ZSCAN31: variants seen among roughly 807,000 people sequenced by gnomAD.
The protein encoded by ZSCAN31 is zinc finger and SCAN domain-containing protein 31.
Under a neutral mutation model 22.5 loss-of-function variants are expected in ZSCAN31, and 14 were observed. The observed-to-expected ratio is 0.62, with a 90% CI of 0.41 to 0.97. The LOEUF is 0.97. Among genes scored for constraint, ZSCAN31 ranks in the 50% least tolerant of loss-of-function variants. The pLI is 0.00. For synonymous variants in ZSCAN31, 168 were observed against 169.8 expected (o/e 0.99, Z 0.08); for missense variants, 424 against 483.4 (o/e 0.88, Z 1.15).
chr6:28,336,762 T>G (rs1764196095), upstream of ZSCAN31: 1 of 152,252 alleles, frequency 6.6e-6, no homozygotes, highest in African/African-American at 2.4e-5. Context: ...AGAAGGGACT[T>G]CATACTTTTT....
chr6:28,350,084 ATGTG>A (rs112636754), intron 2 of ZSCAN31: 4 of 148,676 alleles, frequency 2.7e-5, no homozygotes, highest in African/African-American at 5.0e-5. Flanking sequence ...TTGCAGGAGT[ATGTG>A]TGTGTGTGTG....
intron 2 of ZSCAN31, among the ~76,000 whole-genome samples, chr6:28,348,230 C>T (rs1388464203): frequency 6.6e-6 from 1 of 152,014 alleles, no homozygotes; most frequent in African/African-American, 2.4e-5. Context: ...TTAATGAGGT[C>T]AAATTTATTT....
intron 2 of ZSCAN31, chr6:28,353,333 G>A (rs1324023174): frequency 6.5e-6 from 1 of 154,454 alleles, no homozygotes; most frequent in Non-Finnish European, 1.4e-5. Context: ...TCCGAGTCCA[G>A]TCAAATAATT....
chr6:28,353,258 C>CGCCCA (rs1362973397), intron 2 of ZSCAN31: 1 of 153,058 alleles, frequency 6.5e-6, no homozygotes, highest in East Asian at 1.9e-4. Context: ...TGAGCCACTG[C>CGCCCA]GCCCAGCCCA....
chr6:28,338,224 C>T (rs1258466970), upstream of ZSCAN31, among the ~76,000 whole-genome samples: 1 of 152,014 alleles, frequency 6.6e-6, no homozygotes, highest in Non-Finnish European at 1.5e-5. Flanking sequence ...CGTGGTGAAA[C>T]CCCATCTCTA....
rs760377485 is a variant in ZSCAN31, at chr6:28,324,908, T to A, written c.*1258A>T. 6.6e-6 allele frequency: 1 copy of A among 152,244 alleles called. No homozygotes were observed. Among genetic ancestry groups the A allele is most frequent in the Admixed American group, 6.5e-5 (1 of 15,284 alleles). The allele number at this position is 152,244 out of a possible 1,614,324, so 9.4% of individuals were successfully genotyped here. On this transcript the variant is annotated 3_prime_UTR_variant, in exon 4 of 4. Transcript: ENST00000344279. This position sits in a 1 kb window ranked among gnomAD's most constrained non-coding sequence, Gnocchi z 4.8. ...CCTACATTTGTTAAATGCTATTATT[T>A]CGTATGTAAATCATAATGCATATTT...
chr6:28,343,278 C>T (rs769020589), intron 2 of ZSCAN31, among the ~76,000 whole-genome samples: 8 of 152,078 alleles, frequency 5.3e-5, no homozygotes, highest in Non-Finnish European at 1.0e-4. Context: ...TCTGAAACTG[C>T]TACCCATTCC....
Position 28,346,342 on chromosome 6 carries a change from C to CTTTTTTTTTTTT in ZSCAN31, c.-370-4562_-370-4551dup, listed in dbSNP as rs5875155. On this transcript the variant is annotated intron_variant, in intron 2 of 7. Coordinates refer to the ZSCAN31 transcript ENST00000396838. Reference sequence around the variant, plus strand: ...GCTTCTTGCTTCTCCTCAGTACAATCTTTTTTTTTTTTTTTTTTTTTTTTT... The same window carrying CTTTTTTTTTTTT: ...GCTTCTTGCTTCTCCTCAGTACAATCTTTTTTTTTTTTTTTTTTTTTTTTTTTTTTTTTTTTT... 2.2e-3 allele frequency among the ~76,000 whole-genome samples: 193 copies of CTTTTTTTTTTTT among 87,758 alleles called. 14 individuals are homozygous for CTTTTTTTTTTTT. Among genetic ancestry groups the CTTTTTTTTTTTT allele is most frequent in the Middle Eastern group, 0.015 (2 of 132 alleles). 57.6% of individuals were successfully genotyped at this position (87,758 alleles called of 152,430 possible). A position where few individuals can be genotyped will look rare whatever the true frequency, so the allele number is the denominator to read the frequency against.
chr6:28,326,448 G>A lies in ZSCAN31; in HGVS notation c.939C>T (p.His313=). Residue 313 remains histidine (H), a synonymous_variant, in exon 4 of 4, where the codon CAC becomes CAT. Transcript: ENST00000344279. ...GTTTTTCCCCTGTGTGGATTCTTCTGTGTCGAGTGAGGCCATTGCTGGCAC... is the reference window on the plus strand; with the variant it reads ...GTTTTTCCCCTGTGTGGATTCTTCTATGTCGAGTGAGGCCATTGCTGGCAC... The part of the protein sequence containing the change: ...AFSASNGLTR[H]RRIHTGEKPY... 1 of 1,614,002 alleles carries A rather than the reference G, an allele frequency of 6.2e-7. No individual in the cohort carries two copies. The highest frequency in any genetic ancestry group is 8.5e-7 in the Non-Finnish European group (1 of 1,179,982).
chr6:28,329,776 C>T lies in ZSCAN31; in HGVS notation c.-93G>A. The T allele has an allele frequency of 1.4e-6, 2 of 1,439,398 alleles. No individual in the cohort carries two copies. The highest frequency in any genetic ancestry group is 1.9e-6 in the Non-Finnish European group (2 of 1,070,980). 89.2% of individuals were successfully genotyped at this position (1,439,398 alleles called of 1,614,324 possible). A position where few individuals can be genotyped will look rare whatever the true frequency, so the allele number is the denominator to read the frequency against. ...TGATTTAATCTTCCTTAGGAGAAGACACCTGATGATAGAGCATTATATATT... is the reference window on the plus strand; with the variant it reads ...TGATTTAATCTTCCTTAGGAGAAGATACCTGATGATAGAGCATTATATATT... On this transcript the variant is annotated splice_region_variant and 5_prime_UTR_variant, in exon 2 of 4. Transcript: ENST00000344279.
upstream of ZSCAN31, among the ~76,000 whole-genome samples, chr6:28,339,787 A>G (rs1342700553): frequency 3.9e-5 from 6 of 152,254 alleles, no homozygotes; most frequent in Non-Finnish European, 2.9e-5. Context: ...AGAGAAAAAT[A>G]AGAGATGGGG....
Position 28,327,429 on chromosome 6 carries a change from T to G in ZSCAN31, c.486A>C (p.Thr162=). ...GGCAAAAAGATTCATATCTGAGCTG[T>G]GTCACCATAGGCTGAAGCTGTATGT... The part of the protein sequence containing the change: ...PTDIQLQPMV[T]QLRYESFCLH... Residue 162 remains threonine, a synonymous_variant, in exon 3 of 4, where the codon ACA becomes ACC. Transcript: ENST00000344279. 6.2e-7 allele frequency: 1 copy of G among 1,614,106 alleles called. No individual in the cohort carries two copies. The highest frequency in any genetic ancestry group is 8.5e-7 in the Non-Finnish European group (1 of 1,180,020).
chr6:28,350,792 A>G (rs1247045536), intron 2 of ZSCAN31, among the ~76,000 whole-genome samples: 1 of 152,204 alleles, frequency 6.6e-6, no homozygotes, highest in Non-Finnish European at 1.5e-5. Flanking sequence ...AGATACTCTG[A>G]AAAAGAGCCT....
At position 28,326,397 on chromosome 6, in the gene ZSCAN31, C is replaced by G. The variant is rs752226247; in HGVS notation, c.990G>C (p.Lys330Asn). 6.2e-7 allele frequency: 1 copy of G among 1,614,168 alleles called. No homozygotes were observed. Among genetic ancestry groups the G allele is most frequent in the Middle Eastern group, 1.6e-4 (1 of 6,062 alleles). ...EKPYECKVCG[K>N]AFLLSSCLVQ... Reference sequence around the variant, plus strand: ...CAAGGCATGAGCTGAGGAGGAAAGCCTTCCCACACACTTTGCATTCATATG... The same window carrying G: ...CAAGGCATGAGCTGAGGAGGAAAGCGTTCCCACACACTTTGCATTCATATG... Residue 330 changes from lysine (K) to asparagine (N), a missense_variant, in exon 4 of 4, where the codon AAG (lysine) becomes AAC (asparagine). Lys to Asn is a moderately conservative substitution (Grantham distance 94). Coordinates refer to ENST00000344279, the MANE Select transcript of ZSCAN31 (RefSeq NM_030899.5).
At chr6:28,352,396 G>A (rs1210700083) in intron 2 of ZSCAN31, among the ~76,000 whole-genome samples, 1 of 152,056 alleles carries the variant, frequency 6.6e-6, no homozygotes, top group Non-Finnish European at 1.5e-5. Context: ...GGGATTACAG[G>A]TGTGTACCAC....
Position 28,349,826 on chromosome 6 carries a change from C to T in ZSCAN31, c.-371+4036G>A, listed in dbSNP as rs1764847567. On this transcript the variant is annotated intron_variant, in intron 2 of 7. Transcript: ENST00000396838. This position sits in a 1 kb window ranked among gnomAD's most constrained non-coding sequence, Gnocchi z 4.1. ...AGCTGGAAAAATAAAAATTTAAAAG[C>T]CTCTTTAATAGCAAAAGGGGAGGGG... 6.6e-6 allele frequency: 1 copy of T among 152,338 alleles called. No homozygotes were observed. 9.4% of individuals were successfully genotyped at this position (152,338 alleles called of 1,614,324 possible).
Position 28,325,908 on chromosome 6 carries a change from C to A in ZSCAN31, c.*258G>T. 6.1e-6 allele frequency: 2 copies of A among 328,696 alleles called. No individual in the cohort carries two copies. Among genetic ancestry groups the A allele is most frequent in the Non-Finnish European group, 1.1e-5 (2 of 178,410 alleles). 20.4% of individuals were successfully genotyped at this position (328,696 alleles called of 1,614,324 possible). Reference sequence around the variant, plus strand: ...ACCAAAGGCTAGGGAATAAGAAGGCCACCCAGCAACCCCCTACAATCACAG... The same window carrying A: ...ACCAAAGGCTAGGGAATAAGAAGGCAACCCAGCAACCCCCTACAATCACAG... On this transcript the variant is annotated 3_prime_UTR_variant, in exon 4 of 4. Coordinates refer to ENST00000344279, the MANE Select transcript of ZSCAN31 (RefSeq NM_030899.5).
chr6:28,352,897 C>T (rs758398), intron 2 of ZSCAN31, among the ~76,000 whole-genome samples: 61,878 of 151,596 alleles, frequency 0.41, 15,798 homozygotes, highest in African/African-American at 0.72. Context: ...TTCAGGAAGA[C>T]ACGGACTTGG....
chr6:28,337,341 T>G (rs1236005871), upstream of ZSCAN31, among the ~76,000 whole-genome samples: 1 of 152,136 alleles, frequency 6.6e-6, no homozygotes, highest in Non-Finnish European at 1.5e-5. Flanking sequence ...ACCAAGGAAT[T>G]TGAGCAGTCT....
Sources: gnomAD v4.1 joint callset for allele counts (sites outside exome capture counted in the v4.1 genomes callset) on GRCh38, gnomAD v4.1.1 for gene constraint, Gnocchi (gnomAD v3.1) non-coding constraint, MANE v1.5 for transcripts, NCBI Gene and HGNC (gene_info 2026-07-23, HGNC 2026-07-21) for gene names.